RP1L1: variants seen among roughly 807,000 people sequenced by gnomAD.
RP1L1 encodes the protein retinitis pigmentosa 1-like 1 protein.
Under a neutral mutation model 15.7 loss-of-function variants are expected in RP1L1, and 27 were observed. The ratio of observed to expected loss-of-function variants is 1.72; its 90% CI spans 1.27 to 2.38. The LOEUF is 2.38. Among genes scored for constraint, RP1L1 ranks in the 30% most tolerant of loss-of-function variants. RP1L1 has a pLI of 0.00. For synonymous variants in RP1L1, 1,813 were observed against 1,276.7 expected, an observed-to-expected ratio of 1.42 and a Z score of -8.96; for missense variants, 4,798 against 3,075.9, an observed-to-expected ratio of 1.56 and a Z score of -13.24.
chr8:10,645,285 C>T (rs111406956), intron 1 of RP1L1, among the ~76,000 whole-genome samples: 4,660 of 152,240 alleles, frequency 0.031, 228 homozygotes, highest in African/African-American at 0.11. Flanking sequence ...TATGATCGCC[C>T]CACTGCACTC....
At chr8:10,641,602 A>C (rs992507874) in intron 1 of RP1L1, among the ~76,000 whole-genome samples, 2 of 152,248 alleles carry the variant, frequency 1.3e-5, no homozygotes, top group Non-Finnish European at 2.9e-5. Context: ...ACCTTTTTGC[A>C]TATTTTCAAT....
intron 1 of RP1L1, among the ~76,000 whole-genome samples, chr8:10,636,128 C>G (rs137947609): frequency 6.6e-6 from 1 of 152,350 alleles, no homozygotes; most frequent in African/African-American, 2.4e-5. Context: ...CCTCATCTGT[C>G]AAATGACTTA....
Position 10,611,029 on chromosome 8 carries a change from C to T in RP1L1, c.3069G>A (p.Glu1023=), listed in dbSNP as rs745448081. 4.3e-6 allele frequency: 7 copies of T among 1,612,790 alleles called. No individual in the cohort carries two copies. The highest frequency in any genetic ancestry group is 1.1e-5 in the South Asian group (1 of 91,080). ...SLEGDPGQDP[E]PEGALLGSSD... The stretch of plus-strand genomic sequence containing the variant: ...TACTCCCCAGGAGGGCTCCCTCTGG[C>T]TCTGGGTCCTGGCCGGGGTCCCCTT... The change falls in exon 4 of 4, where the codon GAG becomes GAA. Residue 1023 remains glutamate (E), a synonymous_variant. Transcript: ENST00000382483.
At position 10,611,426 on chromosome 8, in the gene RP1L1, C is replaced by A. The variant is rs1022582553; in HGVS notation, c.2672G>T (p.Gly891Val). 25 of 1,582,100 alleles carry A rather than the reference C, an allele frequency of 1.6e-5. No individual in the cohort carries two copies. The highest frequency in any genetic ancestry group is 5.7e-5 in the South Asian group (5 of 88,250). Reference sequence around the variant, plus strand: ...CGGCGTGGGGCCTGGCTGGCGTGTCCCCTCCTGCGGGCTCCCACCTGGCCC... The same window carrying A: ...CGGCGTGGGGCCTGGCTGGCGTGTCACCTCCTGCGGGCTCCCACCTGGCCC... Reference protein sequence around the residue: ...ARGPGGSPQEGTRQPGPTPSP... With the variant: ...ARGPGGSPQEVTRQPGPTPSP... Residue 891 changes from glycine (G) to valine (V), a missense_variant, in exon 4 of 4, where the codon GGG (glycine) becomes GTG (valine). Physicochemically the swap from Gly to Val is moderately radical, Grantham distance 109. Coordinates refer to ENST00000382483, the MANE Select transcript of RP1L1 (RefSeq NM_178857.6).
intron 1 of RP1L1, among the ~76,000 whole-genome samples, chr8:10,623,810 G>C (rs996618240): frequency 6.7e-6 from 1 of 149,270 alleles, no homozygotes; most frequent in Non-Finnish European, 1.5e-5. Context: ...CAACATTGCT[G>C]TGACTCATTG....
intron 1 of RP1L1, among the ~76,000 whole-genome samples, chr8:10,632,418 A>G (rs1798266343): frequency 6.6e-6 from 1 of 152,230 alleles, no homozygotes; most frequent in Non-Finnish European, 1.5e-5. Context: ...GGTAACAATC[A>G]GCTCCTGAGC....
intron 1 of RP1L1, among the ~76,000 whole-genome samples, chr8:10,628,980 C>T (rs1036634313): frequency 1.3e-5 from 2 of 152,336 alleles, no homozygotes; most frequent in South Asian, 4.1e-4. Context: ...CGTCAGAGCT[C>T]CCTTGAAGGC....
At position 10,609,903 on chromosome 8, in the gene RP1L1, G is replaced by A. The variant is rs1360839838; in HGVS notation, c.4195C>T (p.Leu1399Phe). 1.9e-6 allele frequency: 3 copies of A among 1,613,922 alleles called. No individual in the cohort carries two copies. The highest frequency in any genetic ancestry group is 2.7e-5 in the African/African-American group (2 of 74,780). The change falls in exon 4 of 4, where the codon CTT becomes TTT. Residue 1399 changes from leucine to phenylalanine, a missense_variant. By Grantham distance (22) the Leu-to-Phe change is conservative. Coordinates refer to ENST00000382483, the MANE Select transcript of RP1L1 (RefSeq NM_178857.6). The stretch of plus-strand genomic sequence containing the variant: ...CCGTGGACGCTTCCTTCTTCTGGAA[G>A]TCCTTCCTCTTTGAGACCCTCTTCA... ...ALEEGLKEEG[L>F]PEEGSVHGQE... is the part of the protein sequence containing the mutation.
chr8:10,625,584 C>G (rs1798143909), intron 1 of RP1L1, among the ~76,000 whole-genome samples: 1 of 152,146 alleles, frequency 6.6e-6, no homozygotes, highest in African/African-American at 2.4e-5. Flanking sequence ...TCTGCCCAGC[C>G]AAGCCTCATG....
At chr8:10,633,630 G>A (rs142643290) in intron 1 of RP1L1, among the ~76,000 whole-genome samples, 142 of 152,212 alleles carry the variant, frequency 9.3e-4, no homozygotes, top group African/African-American at 3.0e-3. Flanking sequence ...CAGAACAACT[G>A]CTGTTCTGTG....
rs539492813 is a variant in RP1L1 at position 10,611,504 on chromosome 8, C to T, written c.2594G>A (p.Arg865Lys). Residue 865 changes from arginine to lysine, a missense_variant, in exon 4 of 4, where the codon AGG becomes AAG. By Grantham distance (26) the Arg-to-Lys change is conservative. Transcript: ENST00000382483. ...TPPRGRPCPQ[R>K]RSSSCGSTGS... ...GGTGCTCCCACAGCTGGAAGAGCGC[C>T]TCTGGGGGCAGGGCCGCCCCCTGGG... is the stretch of plus-strand genomic sequence containing the variant. The T allele has an allele frequency of 1.9e-6, 3 of 1,576,908 alleles. No homozygotes were observed. In the South Asian group the frequency reaches 3.4e-5, roughly 18 times the overall value.
intron 1 of RP1L1, among the ~76,000 whole-genome samples, chr8:10,628,391 T>C (rs1431681082): frequency 2.0e-5 from 3 of 152,102 alleles, no homozygotes; most frequent in Non-Finnish European, 4.4e-5. Context: ...ATGCCCCTCC[T>C]GAAAAACAAG....
chr8:10,618,931 A>C (rs1798015772), intron 2 of RP1L1, among the ~76,000 whole-genome samples: 1 of 151,820 alleles, frequency 6.6e-6, no homozygotes, highest in South Asian at 2.1e-4. Context: ...CAGTGGCGCA[A>C]CCTCCACCTC....
intron 1 of RP1L1, among the ~76,000 whole-genome samples, chr8:10,629,883 C>T (rs1317193754): frequency 6.6e-6 from 1 of 152,138 alleles, no homozygotes; most frequent in South Asian, 2.1e-4. Flanking sequence ...GGTCTGTCCC[C>T]AAGTCTCTGT....
chr8:10,644,970 G>C (rs1226638647), intron 1 of RP1L1, among the ~76,000 whole-genome samples: 5 of 152,150 alleles, frequency 3.3e-5, no homozygotes, highest in African/African-American at 9.7e-5. Flanking sequence ...TAGCACTAAT[G>C]ACCATTTATT....
intron 1 of RP1L1, among the ~76,000 whole-genome samples, chr8:10,633,895 G>T (rs951519259): frequency 6.6e-6 from 1 of 152,166 alleles, no homozygotes; most frequent in Non-Finnish European, 1.5e-5. Context: ...AAGTTTTTCA[G>T]CTGAGAAAAC....
rs541106996 is a variant in RP1L1, at chr8:10,611,583, G to C, written c.2515C>G (p.Arg839Gly). ...PGTQPAQEAQ[R>G]GPSPEASWLC... is the part of the protein sequence containing the mutation. ...CAGCTAGCCTCAGGGGAGGGTCCCCGCTGGGCCTCTTGGGCCGGCTGCGTC... is the reference window on the plus strand; with the variant it reads ...CAGCTAGCCTCAGGGGAGGGTCCCCCCTGGGCCTCTTGGGCCGGCTGCGTC... The change falls in exon 4 of 4, where the codon CGG becomes GGG. Residue 839 changes from arginine to glycine, a missense_variant. By Grantham distance (125) the Arg-to-Gly change is moderately radical. Transcript: ENST00000382483. 6.2e-7 allele frequency: 1 copy of C among 1,610,098 alleles called. No homozygotes were observed. The highest frequency in any genetic ancestry group is 8.5e-7 in the Non-Finnish European group (1 of 1,178,644).
At position 10,609,607 on chromosome 8, in the gene RP1L1, C is replaced by G. The variant is rs1244527584; in HGVS notation, c.4491G>C (p.Gln1497His). 1 of 1,607,050 alleles carries G rather than the reference C, an allele frequency of 6.2e-7. No homozygotes were observed. The highest frequency in any genetic ancestry group is 8.5e-7 in the Non-Finnish European group (1 of 1,179,820). The part of the protein sequence containing the change: ...GQEHTQAQPT[Q>H]GAAERSSSVA... Reference sequence around the variant, plus strand: ...CCGAAGAGCTCCTCTCTGCAGCCCCCTGGGTGGGTTGGGCCTGCGTGTGCT... The same window carrying G: ...CCGAAGAGCTCCTCTCTGCAGCCCCGTGGGTGGGTTGGGCCTGCGTGTGCT... The change falls in exon 4 of 4, where the codon CAG (glutamine) becomes CAC (histidine). Residue 1497 changes from glutamine to histidine, a missense_variant. Gln to His is a conservative substitution (Grantham distance 24). Transcript: ENST00000382483.
intron 1 of RP1L1, among the ~76,000 whole-genome samples, chr8:10,632,157 A>T (rs1585990445): frequency 6.6e-6 from 1 of 151,752 alleles, no homozygotes; most frequent in South Asian, 2.1e-4. Context: ...GTGGTTTTGC[A>T]CTCCTGCCCT....
Sources: gnomAD v4.1 joint callset for allele counts (sites outside exome capture counted in the v4.1 genomes callset) on GRCh38, gnomAD v4.1.1 for gene constraint, MANE v1.5 for transcripts, NCBI Gene and HGNC (gene_info 2026-07-23, HGNC 2026-07-21) for gene names.